CERS3: variants seen among roughly 807,000 people sequenced by gnomAD.
CERS3 encodes ceramide synthase 3, also known as LAG1 homolog, ceramide synthase 3.
Under a neutral mutation model 50.3 loss-of-function variants are expected in CERS3, and 33 were observed. The ratio of observed to expected loss-of-function variants is 0.66; its 90% CI spans 0.50 to 0.88. The LOEUF (loss-of-function observed/expected upper bound fraction) is 0.88. CERS3 is among the 40% of genes least tolerant of loss of function. The pLI is 0.00. For synonymous variants in CERS3, 176 were observed against 155.2 expected (o/e 1.13, Z -0.99); for missense variants, 470 against 460.3 (o/e 1.02, Z -0.19).
chr15:100,465,945 T>A (rs2034700657), intron 10 of CERS3, among the ~76,000 whole-genome samples: 1 of 152,170 alleles, frequency 6.6e-6, no homozygotes, highest in African/African-American at 2.4e-5. Context: ...AGGCGTGAGC[T>A]ACCGTGCCTG....
intron 11 of CERS3, among the ~76,000 whole-genome samples, chr15:100,440,705 C>G (rs2033641000): frequency 6.6e-6 from 1 of 152,222 alleles, no homozygotes; most frequent in African/African-American, 2.4e-5. Flanking sequence ...CCTACGACCT[C>G]AGGTCCTCAG....
intron 11 of CERS3, among the ~76,000 whole-genome samples, chr15:100,436,478 G>A (rs1439694171): frequency 1.3e-5 from 2 of 152,094 alleles, no homozygotes; most frequent in African/African-American, 4.8e-5. Context: ...ATCGGGGCTG[G>A]GGGGCAAGGG....
chr15:100,532,025 A>C (rs1229862789), upstream of CERS3, among the ~76,000 whole-genome samples: 1 of 152,036 alleles, frequency 6.6e-6, no homozygotes, highest in African/African-American at 2.4e-5. Flanking sequence ...ACCAGAGACA[A>C]ACCCAGTCAA....
At chr15:100,493,889 CA>C (rs2142306970) in intron 3 of CERS3, among the ~76,000 whole-genome samples, 1 of 152,082 alleles carries the variant, frequency 6.6e-6, no homozygotes, top group East Asian at 1.9e-4. Context: ...TTTGGTGAGA[CA>C]CTGTTTTCAT....
At chr15:100,433,235 CAA>C (rs5814963) in intron 11 of CERS3, among the ~76,000 whole-genome samples, 23 of 98,338 alleles carry the variant, frequency 2.3e-4, no homozygotes, top group Admixed American at 3.4e-4. Flanking sequence ...GACTCTGTCT[CAA>C]AAAAAAAAAA....
At chr15:100,409,262 A>G (rs1293115829) in intron 11 of CERS3, among the ~76,000 whole-genome samples, 1 of 152,104 alleles carries the variant, frequency 6.6e-6, no homozygotes, top group Admixed American at 6.5e-5. Flanking sequence ...CTAATAAATG[A>G]TTGTTTCCTA....
intron 7 of CERS3, 131 bp downstream of exon 7, chr15:100,479,297 C>G (rs527435501): frequency 1.7e-6 from 1 of 597,886 alleles, no homozygotes; most frequent in East Asian, 2.8e-5. Context: ...TAAGGAAGCT[C>G]AAGTAGAAAA....
chr15:100,432,893 G>C (rs988929408), intron 11 of CERS3, among the ~76,000 whole-genome samples: 3 of 152,148 alleles, frequency 2.0e-5, no homozygotes, highest in Non-Finnish European at 4.4e-5. Flanking sequence ...CTCCATAACT[G>C]AGATATTGTC....
chr15:100,517,934 C>T (rs907491600), intron 2 of CERS3, among the ~76,000 whole-genome samples: 1 of 152,158 alleles, frequency 6.6e-6, no homozygotes, highest in Non-Finnish European at 1.5e-5. Flanking sequence ...TATCTCTGGC[C>T]AAGGGCCAAT....
At chr15:100,417,231 T>A (rs1187301432) in intron 11 of CERS3, among the ~76,000 whole-genome samples, 5 of 151,362 alleles carry the variant, frequency 3.3e-5, no homozygotes, top group African/African-American at 1.2e-4. Context: ...GCGTGCACCG[T>A]GCGTGAGCCG....
chr15:100,404,876 A>G (rs1477760142), intron 11 of CERS3, among the ~76,000 whole-genome samples: 1 of 152,250 alleles, frequency 6.6e-6, no homozygotes, highest in East Asian at 1.9e-4. Context: ...TAGAGAAAGA[A>G]CAGTCTTTTC....
intron 11 of CERS3, among the ~76,000 whole-genome samples, chr15:100,439,003 G>A (rs1463381535): frequency 6.6e-6 from 1 of 152,184 alleles, no homozygotes; most frequent in Non-Finnish European, 1.5e-5. Flanking sequence ...CAAGATGAGT[G>A]TCAGCCTGTC....
chr15:100,428,248 T>G (rs750674528), intron 11 of CERS3, among the ~76,000 whole-genome samples: 2 of 152,252 alleles, frequency 1.3e-5, no homozygotes, highest in African/African-American at 4.8e-5. Flanking sequence ...AATATTTCCA[T>G]GTAAAGAAAT....
intron 11 of CERS3, among the ~76,000 whole-genome samples, chr15:100,440,489 C>A (rs1278044613): frequency 6.6e-6 from 1 of 152,228 alleles, no homozygotes; most frequent in African/African-American, 2.4e-5. Context: ...ACGGCCCCAC[C>A]CCTATCTCCC....
intron 11 of CERS3, among the ~76,000 whole-genome samples, chr15:100,441,775 G>A (rs968612742): frequency 6.8e-6 from 1 of 147,372 alleles, no homozygotes; most frequent in Non-Finnish European, 1.5e-5. Context: ...GGTGCCTGAC[G>A]TCCAGGCATT....
intron 3 of CERS3, among the ~76,000 whole-genome samples, chr15:100,498,677 G>A (rs1009462066): frequency 4.6e-5 from 7 of 152,046 alleles, no homozygotes; most frequent in Admixed American, 1.3e-4. Flanking sequence ...TCAGTTACCT[G>A]GGAACCAAAA....
At chr15:100,410,969 ACTT>A (rs2031435114) in intron 11 of CERS3, among the ~76,000 whole-genome samples, 1 of 151,724 alleles carries the variant, frequency 6.6e-6, no homozygotes, top group Non-Finnish European at 1.5e-5. Flanking sequence ...TAACTCCCCC[ACTT>A]CTCCCCTTTC....
At chr15:100,419,010 G>A (rs1363159594) in intron 11 of CERS3, among the ~76,000 whole-genome samples, 1 of 148,140 alleles carries the variant, frequency 6.8e-6, no homozygotes, top group Non-Finnish European at 1.5e-5. Flanking sequence ...AGACTAGGAA[G>A]AAACTGCATC....
At chr15:100,429,677 C>T (rs2033013288) in intron 11 of CERS3, among the ~76,000 whole-genome samples, 1 of 152,176 alleles carries the variant, frequency 6.6e-6, no homozygotes, top group African/African-American at 2.4e-5. Context: ...ATGAACTCCT[C>T]TTCCAGCTAA....
Sources: gnomAD v4.1 joint callset for allele counts (sites outside exome capture counted in the v4.1 genomes callset) on GRCh38, gnomAD v4.1.1 for gene constraint, MANE v1.5 for transcripts, NCBI Gene and HGNC (gene_info 2026-07-23, HGNC 2026-07-21) for gene names.